TMEM260: variants seen among roughly 807,000 people sequenced by gnomAD.
TMEM260 encodes protein O-mannosyl-transferase TMEM260.
A neutral mutation model predicts 88.9 loss-of-function variants in TMEM260; 82 were observed. The observed-to-expected ratio is 0.92, with a 90% CI of 0.77 to 1.11. TMEM260 has a LOEUF of 1.11. TMEM260 is among the 50% of genes least tolerant of loss of function. TMEM260 has a pLI of 0.00. For missense variants in TMEM260, 902 were observed against 853.4 expected (o/e 1.06, Z -0.71); for synonymous variants, 314 against 309.3 (o/e 1.02, Z -0.16).
chr14:56,579,582 G>A (rs929631297), upstream of TMEM260: 4 of 254,366 alleles, frequency 1.6e-5, no homozygotes, highest in African/African-American at 8.9e-5. Flanking sequence ...ATAAAAGGGG[G>A]GAATAGCCAT....
At chr14:56,630,278 T>TAAGA (rs1888503540) in intron 12 of TMEM260, among the ~76,000 whole-genome samples, 1 of 152,190 alleles carries the variant, frequency 6.6e-6, no homozygotes, top group South Asian at 2.1e-4. Flanking sequence ...CTTCAACCTG[T>TAAGA]AAGATTGTAT....
In TMEM260 at chr14:56,633,140, AGT is replaced by A; in HGVS notation, c.1694_1695del (p.Ser565AsnfsTer3). On this transcript the variant is annotated frameshift_variant, in exon 13 of 16. Coordinates refer to ENST00000261556, the MANE Select transcript of TMEM260 (RefSeq NM_017799.4). LOFTEE classifies it high-confidence loss of function. ...NPEEWIKLTK[S>X]IYNWTEEYGR... ...TGAGGAATGGATTAAACTTACAAAA[AGT>A]ATCTATAACTGGACCGAAGAATATG... 1 of 1,613,334 alleles carries A rather than the reference AGT, an allele frequency of 6.2e-7. No homozygotes were observed. Among genetic ancestry groups the A allele is most frequent in the African/African-American group, 1.3e-5 (1 of 75,020 alleles).
At chr14:56,628,743 T>C (rs1356821335) in intron 12 of TMEM260, among the ~76,000 whole-genome samples, 3 of 152,170 alleles carry the variant, frequency 2.0e-5, no homozygotes, top group Non-Finnish European at 4.4e-5. Context: ...AATAGGTGTT[T>C]TATAGACAGC....
chr14:56,624,067 T>C (rs369305627), intron 11 of TMEM260, among the ~76,000 whole-genome samples: 1 of 152,220 alleles, frequency 6.6e-6, no homozygotes, highest in African/African-American at 2.4e-5. Flanking sequence ...GTAATTAATA[T>C]AGGGCTACTA....
chr14:56,636,603 G>A lies in TMEM260; in HGVS notation c.1869+5G>A. 2 of 1,612,546 alleles carry A rather than the reference G, an allele frequency of 1.2e-6. No homozygotes were observed. Among genetic ancestry groups the A allele is most frequent in the Non-Finnish European group, 8.5e-7 (1 of 1,178,650 alleles). ...CTCTACGCTCAAGCATATGACGTAT[G>A]TTACACTTTTATATGTAGATATAGA... On this transcript the variant is annotated splice_donor_5th_base_variant and intron_variant, in intron 15 of 15. Coordinates refer to ENST00000261556, the MANE Select transcript of TMEM260 (RefSeq NM_017799.4).
chr14:56,625,309 C>A, intron 11 of TMEM260, 73 bp from the exon 12 acceptor site: 1 of 1,486,312 alleles, frequency 6.7e-7, no homozygotes, highest in South Asian at 1.2e-5. Context: ...AGGTTTTTGC[C>A]ATTACTTGAT....
intron 3 of TMEM260, among the ~76,000 whole-genome samples, chr14:56,598,475 T>G (rs1247428422): frequency 3.3e-5 from 5 of 152,196 alleles, no homozygotes; most frequent in African/African-American, 1.2e-4. Context: ...AGGCTGATAC[T>G]GAGCCTAGCC....
chr14:56,615,174 A>G (rs1035578750), intron 7 of TMEM260, among the ~76,000 whole-genome samples: 3 of 152,238 alleles, frequency 2.0e-5, no homozygotes, highest in Non-Finnish European at 2.9e-5. Flanking sequence ...TAAAATACAC[A>G]TTGTATGGTT....
Position 56,633,072 on chromosome 14 carries a change from G to GGTCTT in TMEM260, c.1628_1632dup (p.Asp545LeufsTer5). On this transcript the variant is annotated frameshift_variant, in exon 13 of 16. Transcript: ENST00000261556. LOFTEE classifies it high-confidence loss of function. ...AAGAACTATTCACTTTGGCCATGGG[G>GGTCTT]GTCTTGTGACAAATTAGTTCCTTTG... 6.2e-7 allele frequency: 1 copy of GGTCTT among 1,613,890 alleles called. No individual in the cohort carries two copies. The highest frequency in any genetic ancestry group is 8.5e-7 in the Non-Finnish European group (1 of 1,179,916).
chr14:56,621,218 C>G (rs1887895962), intron 10 of TMEM260, among the ~76,000 whole-genome samples: 1 of 151,964 alleles, frequency 6.6e-6, no homozygotes, highest in South Asian at 2.1e-4. Flanking sequence ...AGAAATCTTA[C>G]TTTCTAAAAA....
intron 3 of TMEM260, among the ~76,000 whole-genome samples, chr14:56,587,368 TATTA>T (rs1256888714): frequency 3.3e-5 from 5 of 151,962 alleles, no homozygotes; most frequent in African/African-American, 7.2e-5. Context: ...TTTTCAACAT[TATTA>T]ATTGTTGATA....
chr14:56,588,373 G>T (rs537551599), intron 3 of TMEM260, among the ~76,000 whole-genome samples: 46 of 152,016 alleles, frequency 3.0e-4, no homozygotes, highest in Non-Finnish European at 5.0e-4. Context: ...TTTAAACAAA[G>T]ATTTTATTTC....
intron 3 of TMEM260, among the ~76,000 whole-genome samples, chr14:56,597,818 C>T (rs945743700): frequency 6.6e-6 from 1 of 150,508 alleles, no homozygotes; most frequent in Non-Finnish European, 1.5e-5. Context: ...TTATTTTCAA[C>T]AGAGAGAGAG....
At chr14:56,631,281 G>C (rs1283180497) in intron 12 of TMEM260, among the ~76,000 whole-genome samples, 1 of 152,166 alleles carries the variant, frequency 6.6e-6, no homozygotes, top group Non-Finnish European at 1.5e-5. Flanking sequence ...TTCCCTGGGG[G>C]TGGGCTGCCC....
At chr14:56,636,908 AG>A (rs1889136007) in intron 15 of TMEM260, among the ~76,000 whole-genome samples, 1 of 152,244 alleles carries the variant, frequency 6.6e-6, no homozygotes, top group African/African-American at 2.4e-5. Context: ...GTCTTGAGAC[AG>A]GGGGTTACCC....
chr14:56,649,681 A>G (rs1340363531), downstream of TMEM260, among the ~76,000 whole-genome samples: 1 of 151,700 alleles, frequency 6.6e-6, no homozygotes, highest in Admixed American at 6.6e-5. Flanking sequence ...AGTAGCCTTA[A>G]GAATGGCAAA....
chr14:56,604,107 T>G (rs1246984432), intron 4 of TMEM260, 115 bp downstream of exon 4: 3 of 993,606 alleles, frequency 3.0e-6, no homozygotes, highest in African/African-American at 3.4e-5. Context: ...GTCGGGATAA[T>G]CTAGCATGCT....
At chr14:56,585,706 G>A (rs1885449969) in intron 2 of TMEM260, 55 bp from the exon 3 acceptor site, 2 of 1,561,420 alleles carry the variant, frequency 1.3e-6, no homozygotes, top group East Asian at 2.3e-5. Flanking sequence ...TAAGGCCTGT[G>A]GGACTCTTCC....
Position 56,617,225 on chromosome 14 carries a change from G to A in TMEM260, c.984G>A (p.Met328Ile). ...CATTAGTATGGCTTTTTACTGGAAT[G>A]TTTTGCATTTATTCATTGTTCTTTG... ...NPSLVWLFTG[M>I]FCIYSLFFAW... The change falls in exon 9 of 16, where the codon ATG becomes ATA. Residue 328 changes from methionine (M) to isoleucine (I), a missense_variant. Coordinates refer to ENST00000261556, the MANE Select transcript of TMEM260 (RefSeq NM_017799.4). 5 of 1,605,232 alleles carry A rather than the reference G, an allele frequency of 3.1e-6. No individual in the cohort carries two copies. Among genetic ancestry groups the A allele is most frequent in the South Asian group, 2.2e-5 (2 of 89,054 alleles).
Sources: allele counts gnomAD v4.1 joint callset (sites outside exome capture counted in the v4.1 genomes callset), GRCh38; gene constraint gnomAD v4.1.1; transcripts MANE v1.5; gene names NCBI Gene and HGNC (gene_info 2026-07-23, HGNC 2026-07-21).